MAP3K5: variants seen among roughly 807,000 people sequenced by gnomAD.
The protein encoded by MAP3K5 is mitogen-activated protein kinase kinase kinase 5.
MAP3K5 carries 56 observed loss-of-function variants against 158.7 expected under a neutral mutation model. The observed-to-expected ratio is 0.35, with a 90% CI of 0.28 to 0.44. The LOEUF is 0.44. MAP3K5 is among the 20% of genes least tolerant of loss of function. The pLI, the probability that MAP3K5 is intolerant of heterozygous loss-of-function variation, is 1.00. For synonymous variants in MAP3K5, 579 were observed against 601.7 expected (o/e 0.96, Z 0.55); for missense variants, 1,294 against 1,674.8 (o/e 0.77, Z 3.97).
chr6:136,708,431 T>C (rs1781167503), intron 2 of MAP3K5, among the ~76,000 whole-genome samples: 1 of 152,012 alleles, frequency 6.6e-6, no homozygotes, highest in African/African-American at 2.4e-5. Context: ...AATTTTTGTA[T>C]TTTTAGTAGA....
At chr6:136,671,739 G>A (rs989610694) in intron 7 of MAP3K5, among the ~76,000 whole-genome samples, 11 of 152,032 alleles carry the variant, frequency 7.2e-5, no homozygotes, top group Admixed American at 5.2e-4. Context: ...TCAGCCTCCC[G>A]AGTAGCTCGG....
intron 23 of MAP3K5, among the ~76,000 whole-genome samples, chr6:136,589,589 TG>T (rs1231959309): frequency 2.0e-5 from 3 of 152,104 alleles, no homozygotes; most frequent in Non-Finnish European, 2.9e-5. Flanking sequence ...TAACACTCAA[TG>T]GGATATATTT....
chr6:136,652,754 C>A (rs1778574557), intron 10 of MAP3K5, among the ~76,000 whole-genome samples: 1 of 152,150 alleles, frequency 6.6e-6, no homozygotes, highest in Non-Finnish European at 1.5e-5. Context: ...CAGATAAAAT[C>A]TGAACTATGT....
intron 25 of MAP3K5, among the ~76,000 whole-genome samples, chr6:136,579,191 CT>C (rs1316326171): frequency 6.6e-6 from 1 of 152,092 alleles, no homozygotes; most frequent in Non-Finnish European, 1.5e-5. Flanking sequence ...ACTGCTCTTT[CT>C]TTCTACCTAC....
chr6:136,571,852 G>A (rs1426184591), intron 25 of MAP3K5, among the ~76,000 whole-genome samples: 1 of 152,150 alleles, frequency 6.6e-6, no homozygotes, highest in Non-Finnish European at 1.5e-5. Flanking sequence ...CATAGTAGCA[G>A]TACCATTTTA....
chr6:136,581,601 A>G (rs1189364029), intron 24 of MAP3K5, among the ~76,000 whole-genome samples: 1 of 152,178 alleles, frequency 6.6e-6, no homozygotes, highest in Non-Finnish European at 1.5e-5. Context: ...CCATGTCAAG[A>G]GCTGGAGCTC....
rs181632330 is a variant in MAP3K5 at position 136,786,958 on chromosome 6, T to C, written c.448+4752A>G. On this transcript the variant is annotated intron_variant, in intron 1 of 29. Transcript: ENST00000359015. ...TAGCTGGGAATAAGTTCTTACTCAC[T>C]CCGTTAGGTTGAGCTATTCGAACAT... Among the ~76,000 whole-genome samples the C allele has an allele frequency of 2.2e-3, 330 of 152,148 alleles. 1 individual carries two copies. The highest frequency in any genetic ancestry group is 6.2e-3 in the South Asian group (30 of 4,816).
chr6:136,637,009 T>A, intron 14 of MAP3K5: 1 of 1,094,412 alleles, frequency 9.1e-7, no homozygotes, highest in Non-Finnish European at 1.1e-6. Flanking sequence ...TTGTCTGAAT[T>A]GCACATATCT....
At chr6:136,662,749 C>T (rs1192066587) in intron 8 of MAP3K5, among the ~76,000 whole-genome samples, 1 of 152,124 alleles carries the variant, frequency 6.6e-6, no homozygotes, top group Non-Finnish European at 1.5e-5. Context: ...ATTAATAAAG[C>T]ACAATTCGTG....
In MAP3K5 at chr6:136,561,922, A is replaced by G. The variant is rs182895091; in HGVS notation, c.3875-277T>C. On this transcript the variant is annotated intron_variant, in intron 27 of 29. Coordinates refer to ENST00000359015, the MANE Select transcript of MAP3K5 (RefSeq NM_005923.4). ...TGGTTTCTTAGAATAAACTCTGTGC[A>G]CCAAAATTAGACTTTGTGTTTTTCA... Among the ~76,000 whole-genome samples, 317 of 152,374 alleles carry G rather than the reference A, an allele frequency of 2.1e-3. 3 individuals carry two copies. Among genetic ancestry groups the G allele is most frequent in the African/African-American group, 7.0e-3 (291 of 41,594 alleles).
At chr6:136,608,238 C>CTAT (rs1277312847) in intron 18 of MAP3K5, among the ~76,000 whole-genome samples, 2 of 151,714 alleles carry the variant, frequency 1.3e-5, no homozygotes, top group Admixed American at 6.6e-5. Flanking sequence ...TTGTCCCCCA[C>CTAT]TATGAGGGTT....
At chr6:136,641,936 T>C (rs1777963056) in intron 12 of MAP3K5, among the ~76,000 whole-genome samples, 1 of 150,394 alleles carries the variant, frequency 6.6e-6, no homozygotes, top group Non-Finnish European at 1.5e-5. Context: ...TGCAGTGAAC[T>C]GAGATCATGC....
intron 25 of MAP3K5, among the ~76,000 whole-genome samples, chr6:136,578,182 G>A (rs1297961453): frequency 1.3e-5 from 2 of 152,094 alleles, no homozygotes; most frequent in Non-Finnish European, 2.9e-5. Context: ...TAATGATAAA[G>A]TATCTGAATA....
chr6:136,638,445 C>A (rs1284118070), intron 13 of MAP3K5, among the ~76,000 whole-genome samples: 1 of 152,170 alleles, frequency 6.6e-6, no homozygotes, highest in Admixed American at 6.5e-5. Flanking sequence ...TTAGGCTATA[C>A]TCTCCAAGAC....
chr6:136,768,396 C>T (rs370556715), intron 1 of MAP3K5, among the ~76,000 whole-genome samples: 5 of 152,262 alleles, frequency 3.3e-5, no homozygotes, highest in South Asian at 4.1e-4. Context: ...AGAATCTGAA[C>T]GGACAGTTCT....
chr6:136,670,552 C>T (rs866145126), intron 7 of MAP3K5, among the ~76,000 whole-genome samples: 2 of 151,956 alleles, frequency 1.3e-5, no homozygotes, highest in Non-Finnish European at 2.9e-5. Context: ...TAAGTCATAA[C>T]TGTGTAAATA....
chr6:136,598,796 T>A (rs1297079347), intron 21 of MAP3K5, among the ~76,000 whole-genome samples: 2 of 152,030 alleles, frequency 1.3e-5, no homozygotes, highest in African/African-American at 4.8e-5. Context: ...CTTGTACTCA[T>A]CTAGAAGGAG....
chr6:136,610,133 C>T (rs1562544157), intron 18 of MAP3K5, among the ~76,000 whole-genome samples: 2 of 151,960 alleles, frequency 1.3e-5, no homozygotes, highest in Non-Finnish European at 2.9e-5. Context: ...TTCCCTTCCC[C>T]TTACCCTTTT....
chr6:136,561,380 T>C (rs117702072), intron 28 of MAP3K5, among the ~76,000 whole-genome samples, 153 bp downstream of exon 28: 3,459 of 152,332 alleles, frequency 0.023, 61 homozygotes, highest in Non-Finnish European at 0.033. Flanking sequence ...AGTTAGCTGA[T>C]TATCACGTGC....
Sources: gnomAD v4.1 joint callset for allele counts (sites outside exome capture counted in the v4.1 genomes callset) on GRCh38, gnomAD v4.1.1 for gene constraint, MANE v1.5 for transcripts, NCBI Gene and HGNC (gene_info 2026-07-23, HGNC 2026-07-21) for gene names.